Variants in AACS observed in about 807,000 individuals in gnomAD.
AACS encodes acetoacetate-CoA ligase.
AACS carries 69 observed loss-of-function variants against 83.1 expected under a neutral mutation model. The ratio of observed to expected loss-of-function variants is 0.83; its 90% CI spans 0.68 to 1.01. The LOEUF (loss-of-function observed/expected upper bound fraction) is 1.01, where lower values mean the gene tolerates loss of function less well. Among genes scored for constraint, AACS ranks in the 50% least tolerant of loss-of-function variants. AACS has a pLI of 0.00. For synonymous variants in AACS, 333 were observed against 343.4 expected, an observed-to-expected ratio of 0.97 and a Z score of 0.33; for missense variants, 866 against 882.2, an observed-to-expected ratio of 0.98 and a Z score of 0.23.
chr12:125,110,130 GTGCC>G (rs1403131565), intron 8 of AACS, among the ~76,000 whole-genome samples: 2 of 150,310 alleles, frequency 1.3e-5, no homozygotes, highest in Non-Finnish European at 2.9e-5. Context: ...AGCGATTCTT[GTGCC>G]TCAGCCTCCT....
rs754497416 is a variant in AACS, at chr12:125,091,454, C to G, written c.501C>G (p.Val167=). The G allele has an allele frequency of 1.2e-6, 2 of 1,614,124 alleles. No homozygotes were observed. The highest frequency in any genetic ancestry group is 2.7e-5 in the African/African-American group (2 of 74,942). The change falls in exon 5 of 18, where the codon GTC becomes GTG. Residue 167 remains valine, a synonymous_variant. Coordinates refer to ENST00000316519, the MANE Select transcript of AACS (RefSeq NM_023928.5). ...VGYLPNSEHA[V]EAMLAAASIG... is the part of the protein sequence containing the mutation. ...ATTTACCCAACAGTGAGCACGCTGTCGAGGCGATGCTGGCTGCGGCAAGCA... is the reference window on the plus strand; with the variant it reads ...ATTTACCCAACAGTGAGCACGCTGTGGAGGCGATGCTGGCTGCGGCAAGCA...
chr12:125,112,646 C>T (rs1956977861), intron 8 of AACS, among the ~76,000 whole-genome samples: 1 of 135,416 alleles, frequency 7.4e-6, no homozygotes, highest in African/African-American at 2.9e-5. Flanking sequence ...CACCACTGCG[C>T]TCCAGCCTGG....
intron 7 of AACS, among the ~76,000 whole-genome samples, chr12:125,104,968 G>A (rs544343856): frequency 2.0e-5 from 3 of 151,440 alleles, no homozygotes; most frequent in East Asian, 3.9e-4. Flanking sequence ...GAAGTGGAGC[G>A]GGCACTTTAC....
intron 10 of AACS, chr12:125,121,526 C>T (rs991428355): frequency 6.6e-6 from 1 of 152,152 alleles, no homozygotes; most frequent in African/African-American, 2.4e-5. Context: ...TTGACACATT[C>T]GATCAAAGAG....
At chr12:125,133,386 A>C (rs915879919) in intron 14 of AACS, among the ~76,000 whole-genome samples, 3 of 152,204 alleles carry the variant, frequency 2.0e-5, no homozygotes, top group African/African-American at 7.2e-5. Context: ...ACAGCTGCAC[A>C]TGAGGCCACT....
chr12:125,070,989 G>A (rs1036647721), intron 1 of AACS, among the ~76,000 whole-genome samples: 2 of 152,208 alleles, frequency 1.3e-5, no homozygotes, highest in African/African-American at 4.8e-5. Context: ...CTTAAAACAA[G>A]AATAAACCTT....
intron 7 of AACS, among the ~76,000 whole-genome samples, chr12:125,104,680 G>C (rs77343878): frequency 0.012 from 1,827 of 152,310 alleles, 14 homozygotes; most frequent in Non-Finnish European, 0.02. Context: ...GGCTTGGCGA[G>C]GGCCATGGTC....
chr12:125,090,708 A>G (rs369582248), intron 4 of AACS, among the ~76,000 whole-genome samples: 32 of 142,486 alleles, frequency 2.2e-4, no homozygotes, highest in African/African-American at 6.5e-4. Flanking sequence ...TCCTCCATTC[A>G]TCATTCCTCA....
chr12:125,133,797 G>A (rs907179950), intron 14 of AACS, among the ~76,000 whole-genome samples: 9 of 152,220 alleles, frequency 5.9e-5, no homozygotes, highest in African/African-American at 1.2e-4. Flanking sequence ...CCTCGCCGGC[G>A]GTGTCAGAGC....
At chr12:125,105,170 A>C (rs1427485351) in intron 7 of AACS, 3 of 152,190 alleles carry the variant, frequency 2.0e-5, no homozygotes, top group African/African-American at 7.2e-5. Flanking sequence ...GTTACATTTC[A>C]ACACGAGATG....
At chr12:125,124,441 T>C (rs1957210132) in intron 10 of AACS, 1 of 517,042 alleles carries the variant, frequency 1.9e-6, no homozygotes, top group African/African-American at 1.9e-5. Context: ...TGGGTTCGGG[T>C]GAGCGACTGT....
chr12:125,118,333 G>A (rs1234564940), intron 9 of AACS: 1 of 354,168 alleles, frequency 2.8e-6, no homozygotes, highest in Non-Finnish European at 5.4e-6. Flanking sequence ...AGGAGTGTCA[G>A]TAGCAAGTGT....
intron 10 of AACS, chr12:125,124,228 G>A (rs776299920): frequency 6.4e-6 from 1 of 155,750 alleles, no homozygotes; most frequent in Non-Finnish European, 1.4e-5. Flanking sequence ...CCAGGAGTTG[G>A]AGACTGCAGT....
chr12:125,133,780 C>G (rs550741817), intron 14 of AACS, among the ~76,000 whole-genome samples: 2 of 152,224 alleles, frequency 1.3e-5, no homozygotes, highest in African/African-American at 4.8e-5. Context: ...TGAGGAGCTG[C>G]GTTCCTCCTC....
intron 4 of AACS, chr12:125,090,901 A>G (rs1956469034): frequency 5.9e-6 from 1 of 169,552 alleles, no homozygotes; most frequent in Non-Finnish European, 1.3e-5. Flanking sequence ...CAGTTATGCT[A>G]AGTTTGGTGA....
At chr12:125,076,467 T>C (rs1012824930) in intron 2 of AACS, 24 bp from the exon 3 acceptor site, 1 of 1,612,056 alleles carries the variant, frequency 6.2e-7, no homozygotes, top group African/African-American at 1.3e-5. Context: ...TGTGTGCGTC[T>C]TGGTTTGTTG....
intron 12 of AACS, 160 bp downstream of exon 12, chr12:125,125,184 G>A: frequency 8.5e-7 from 1 of 1,181,948 alleles, no homozygotes; most frequent in South Asian, 1.5e-5. Context: ...GTTCCACGAA[G>A]TCACTGTGAA....
chr12:125,135,166 G>A (rs978574888), intron 16 of AACS, among the ~76,000 whole-genome samples: 11 of 149,588 alleles, frequency 7.4e-5, no homozygotes, highest in Admixed American at 3.3e-4. Context: ...ACAGAGTCTC[G>A]CTGTGTCACC....
At chr12:125,116,665 C>G (rs1183438058) in intron 9 of AACS, among the ~76,000 whole-genome samples, 2 of 152,050 alleles carry the variant, frequency 1.3e-5, no homozygotes, top group Admixed American at 6.5e-5. Flanking sequence ...TGGGGTTTCA[C>G]CGTGTTGGCC....
Sources: gnomAD v4.1 joint callset for allele counts (sites outside exome capture counted in the v4.1 genomes callset) on GRCh38, gnomAD v4.1.1 for gene constraint, MANE v1.5 for transcripts, NCBI Gene and HGNC (gene_info 2026-07-23, HGNC 2026-07-21) for gene names.